Variants in PROSER3 observed in about 807,000 individuals in gnomAD.
The protein encoded by PROSER3 is proline and serine-rich protein 3.
A neutral mutation model predicts 50.2 loss-of-function variants in PROSER3; 33 were observed. That is an observed-to-expected ratio of 0.66 (90% CI 0.50 to 0.88). PROSER3 has a LOEUF of 0.88. PROSER3 is among the 40% of genes least tolerant of loss of function. PROSER3 has a pLI of 0.00. For missense variants in PROSER3, 623 were observed against 612.7 expected (o/e 1.02, Z -0.18); for synonymous variants, 266 against 259.3 (o/e 1.03, Z -0.25).
exon 3 of PROSER3, chr19:35,759,930 G>A: frequency 6.2e-7 from 1 of 1,606,724 alleles, no homozygotes; most frequent in South Asian, 1.1e-5. Flanking sequence ...CACCACTGAG[G>A]GACAGATGTG....
intron 7 of PROSER3, among the ~76,000 whole-genome samples, chr19:35,765,996 G>T (rs1303924228): frequency 6.6e-6 from 1 of 152,190 alleles, no homozygotes; most frequent in Non-Finnish European, 1.5e-5. Context: ...CGGGAGAGAG[G>T]TGCAGCCAAG....
exon 11 of PROSER3, chr19:35,768,722 C>T (rs572284066): frequency 1.3e-5 from 8 of 630,230 alleles, no homozygotes; most frequent in Non-Finnish European, 1.7e-5. Context: ...TTCCTGACCA[C>T]GGAAACAAGA....
At chr19:35,764,830 G>T in intron 5 of PROSER3, 24 bp from the exon 6 acceptor site, 1 of 1,603,472 alleles carries the variant, frequency 6.2e-7, no homozygotes, top group Non-Finnish European at 8.5e-7. Flanking sequence ...GTTGGGGCTG[G>T]CGTCTGACCC....
chr19:35,768,120 GC>G lies in PROSER3; in HGVS notation c.1220-31del. 1.9e-6 allele frequency: 3 copies of G among 1,605,080 alleles called. No individual in the cohort carries two copies. The South Asian group carries it at 3.3e-5, about 18-fold the overall frequency. On this transcript the variant is annotated intron_variant, in intron 9 of 10. Transcript: ENST00000396908. The stretch of plus-strand genomic sequence containing the variant: ...GGCAGGCCAGCCCCCTAAGAGGCCG[GC>G]CCCTTGGAGCTCATTCTTTTCTCCC...
At chr19:35,766,198 ATGTCTTCTGGTC>A (rs1971135910) in intron 7 of PROSER3, among the ~76,000 whole-genome samples, 2 of 152,022 alleles carry the variant, frequency 1.3e-5, no homozygotes, top group African/African-American at 4.8e-5. Flanking sequence ...TCTGGGGAAT[ATGTCTTCTGGTC>A]ACTGCTGTAA....
chr19:35,763,683 T>G (rs537523430), intron 5 of PROSER3, among the ~76,000 whole-genome samples: 1 of 151,268 alleles, frequency 6.6e-6, no homozygotes, highest in Non-Finnish European at 1.5e-5. Context: ...TTTTTTTGTA[T>G]TTTTAGTAGA....
chr19:35,768,116 G>T lies in PROSER3; in HGVS notation c.1220-39G>T. On this transcript the variant is annotated intron_variant, in intron 9 of 10. Transcript: ENST00000396908. ...TGGAGGCAGGCCAGCCCCCTAAGAGGCCGGCCCCTTGGAGCTCATTCTTTT... is the reference window on the plus strand; with the variant it reads ...TGGAGGCAGGCCAGCCCCCTAAGAGTCCGGCCCCTTGGAGCTCATTCTTTT... 5 of 1,602,998 alleles carry T rather than the reference G, an allele frequency of 3.1e-6. No homozygotes were observed. In the South Asian group the frequency reaches 5.6e-5, roughly 18 times the overall value.
exon 1 of PROSER3, chr19:35,758,226 G>C (rs1177268911): frequency 1.6e-5 from 25 of 1,562,892 alleles, no homozygotes; most frequent in Non-Finnish European, 1.7e-5. Flanking sequence ...ATGGACCGCA[G>C]GTGAGGCCGA....
chr19:35,762,191 G>T, intron 4 of PROSER3, 45 bp downstream of exon 4: 1 of 1,591,946 alleles, frequency 6.3e-7, no homozygotes, highest in Non-Finnish European at 8.6e-7. Context: ...CTAAACCTTT[G>T]CTGATCAATG....
chr19:35,763,348 C>G (rs1369542208), intron 5 of PROSER3, among the ~76,000 whole-genome samples: 1 of 151,740 alleles, frequency 6.6e-6, no homozygotes, highest in African/African-American at 2.4e-5. Flanking sequence ...ACTACAGGTG[C>G]ATGCCACCAC....
chr19:35,768,318 A>G, intron 10 of PROSER3, 82 bp downstream of exon 10: 1 of 1,578,790 alleles, frequency 6.3e-7, no homozygotes, highest in Non-Finnish European at 8.6e-7. Flanking sequence ...AGCCCTCCTC[A>G]TCCCCTGTCC....
Position 35,762,243 on chromosome 19 carries a change from G to A in PROSER3, c.440-10G>A. 6.2e-7 allele frequency: 1 copy of A among 1,608,596 alleles called. No individual in the cohort carries two copies. The highest frequency in any genetic ancestry group is 8.5e-7 in the Non-Finnish European group (1 of 1,175,758). On this transcript the variant is annotated splice_polypyrimidine_tract_variant and intron_variant, in intron 4 of 10. Coordinates refer to ENST00000396908, the Ensembl canonical transcript of PROSER3. ...CTCCTGGCCCTCATACCTCAACTGG[G>A]GCTTCTCAGCAGGAGCCAACAAACC...
chr19:35,762,481 AGAGGACTGCTTGAGGCCAGGAG>A (rs1970987575), intron 5 of PROSER3, 125 bp downstream of exon 5: 2 of 823,940 alleles, frequency 2.4e-6, no homozygotes, highest in African/African-American at 3.5e-5. Flanking sequence ...GGCCAAGGTG[AGAGGACTGCTTGAGGCCAGGAG>A]TTCAAGACCA....
chr19:35,761,956 A>C, intron 3 of PROSER3, 63 bp from the exon 4 acceptor site: 1 of 1,492,614 alleles, frequency 6.7e-7, no homozygotes, highest in Non-Finnish European at 9.0e-7. Context: ...GGCTGCTATA[A>C]TTATTCTTAT....
At chr19:35,759,426 C>G (rs573473407) in exon 2 of PROSER3, 1 of 1,613,456 alleles carries the variant, frequency 6.2e-7, no homozygotes, top group Non-Finnish European at 8.5e-7. Flanking sequence ...GCCCCTGGGT[C>G]GAAGCCACTA....
chr19:35,761,981 C>T (rs371207751), intron 3 of PROSER3, 38 bp from the exon 4 acceptor site: 37 of 1,550,016 alleles, frequency 2.4e-5, no homozygotes, highest in East Asian at 2.3e-5. Flanking sequence ...ATTTGGCTCT[C>T]CTCACTCCAC....
chr19:35,767,175 A>G (rs1971176838), intron 8 of PROSER3: 2 of 526,764 alleles, frequency 3.8e-6, no homozygotes, highest in African/African-American at 1.9e-5. Context: ...GAGGCCTTCT[A>G]TGTGGAGAGG....
chr19:35,766,345 G>A (rs1971140778), intron 7 of PROSER3, among the ~76,000 whole-genome samples: 1 of 152,062 alleles, frequency 6.6e-6, no homozygotes, highest in South Asian at 2.1e-4. Flanking sequence ...CCAGGAGTTT[G>A]AGACCAGCTT....
downstream of PROSER3, among the ~76,000 whole-genome samples, chr19:35,770,357 C>T (rs765783515): frequency 6.6e-6 from 1 of 152,092 alleles, no homozygotes; most frequent in Admixed American, 6.6e-5. Context: ...AAAATCTATC[C>T]AGAATTCAAC....
Sources: allele counts gnomAD v4.1 joint callset (sites outside exome capture counted in the v4.1 genomes callset), GRCh38; gene constraint gnomAD v4.1.1; transcripts MANE v1.5; gene names NCBI Gene and HGNC (gene_info 2026-07-23, HGNC 2026-07-21).